Variants in GAS7 observed in about 807,000 individuals in gnomAD.
GAS7 encodes growth arrest-specific protein 7.
A neutral mutation model predicts 71.1 loss-of-function variants in GAS7; 28 were observed. The ratio of observed to expected loss-of-function variants is 0.39; its 90% CI spans 0.29 to 0.54. GAS7 has a LOEUF of 0.54. Ranked by LOEUF, GAS7 falls within the 20% of genes least tolerant of loss-of-function variation. The pLI, the probability that GAS7 is intolerant of heterozygous loss-of-function variation, is 0.62. For synonymous variants in GAS7, 258 were observed against 245.8 expected (o/e 1.05, Z -0.46); for missense variants, 436 against 627.8 (o/e 0.69, Z 3.27).
At chr17:10,141,688 C>T (rs2074082452) in intron 1 of GAS7, among the ~76,000 whole-genome samples, 1 of 152,284 alleles carries the variant, frequency 6.6e-6, no homozygotes, top group Admixed American at 6.5e-5. Flanking sequence ...CAGATACTAA[C>T]ATAAATGGCC....
intron 1 of GAS7, among the ~76,000 whole-genome samples, chr17:10,042,771 G>A (rs185533797): frequency 6.6e-6 from 1 of 152,158 alleles, no homozygotes; most frequent in Admixed American, 6.5e-5. Context: ...TAAAAAACAA[G>A]GGCTTGACTG....
chr17:10,026,541 G>T lies in GAS7; in HGVS notation c.184-6644C>A, dbSNP rs78990760. On this transcript the variant is annotated intron_variant, in intron 1 of 13. Coordinates refer to ENST00000432992, the MANE Select transcript of GAS7 (RefSeq NM_201433.2). This position sits in a 1 kb window ranked among gnomAD's most constrained non-coding sequence, Gnocchi z 4.5. ...GGACACCCAGAAGCAGCCAGGGCAT[G>T]GCTGGGCACGCCTGGGAAGGTTGAG... 1.9e-3 allele frequency among the ~76,000 whole-genome samples: 291 copies of T among 152,336 alleles called. No homozygotes were observed. The highest frequency in any genetic ancestry group is 6.8e-3 in the African/African-American group (281 of 41,572).
intron 1 of GAS7, among the ~76,000 whole-genome samples, chr17:10,082,066 C>T (rs2073462368): frequency 6.6e-6 from 1 of 152,112 alleles, no homozygotes; most frequent in African/African-American, 2.4e-5. Flanking sequence ...TGAACTAGCT[C>T]TACATGCACC....
At chr17:10,031,266 T>C (rs1209581646) in intron 1 of GAS7, among the ~76,000 whole-genome samples, 2 of 152,160 alleles carry the variant, frequency 1.3e-5, no homozygotes, top group Admixed American at 6.5e-5. Context: ...CACAGAACAA[T>C]AGACTCTGTA....
chr17:9,974,459 T>C lies in GAS7; in HGVS notation c.386-4697A>G, dbSNP rs7212744. Among the ~76,000 whole-genome samples, 5 of 146,236 alleles carry C rather than the reference T, an allele frequency of 3.4e-5. No homozygotes were observed. The highest frequency in any genetic ancestry group is 9.9e-5 in the African/African-American group (4 of 40,246). On this transcript the variant is annotated intron_variant, in intron 3 of 13. Coordinates refer to ENST00000432992, the MANE Select transcript of GAS7 (RefSeq NM_201433.2). The surrounding 1 kb of genome is among the most constrained non-coding windows in gnomAD (Gnocchi z 4.0). ...CCTCCAGCCTCTGGGGGAAGAAAAA[T>C]GAAATTGGTCAAGGATCGCTCATAA...
intron 1 of GAS7, among the ~76,000 whole-genome samples, chr17:10,106,685 C>G (rs2073759426): frequency 6.6e-6 from 1 of 152,158 alleles, no homozygotes; most frequent in African/African-American, 2.4e-5. Context: ...ACTCAGAACT[C>G]CTGGGGAGTG....
chr17:10,083,626 G>A (rs2073481454), intron 1 of GAS7, among the ~76,000 whole-genome samples: 1 of 152,230 alleles, frequency 6.6e-6, no homozygotes, highest in Admixed American at 6.5e-5. Flanking sequence ...GAAGTGTGAG[G>A]AGGACAGAGA....
At chr17:9,967,701 A>G (rs2069778988) in intron 4 of GAS7, among the ~76,000 whole-genome samples, 1 of 152,076 alleles carries the variant, frequency 6.6e-6, no homozygotes, top group South Asian at 2.1e-4. Flanking sequence ...GCTGCATAGT[A>G]TCACTGGCTA....
At chr17:9,941,604 C>T (rs1409451785) in intron 7 of GAS7, among the ~76,000 whole-genome samples, 1 of 152,224 alleles carries the variant, frequency 6.6e-6, no homozygotes, top group Non-Finnish European at 1.5e-5. Context: ...TGCGTTTTCT[C>T]TAGGAAGCCC....
intron 2 of GAS7, among the ~76,000 whole-genome samples, chr17:10,016,620 A>AAAAAAAAC (rs1567542577): frequency 1.5e-5 from 2 of 131,690 alleles, no homozygotes; most frequent in African/African-American, 6.1e-5. Flanking sequence ...AAAAAAAAAA[A>AAAAAAAAC]AAAACAAAAC....
rs760056568 is a variant in GAS7 at position 10,198,247 on chromosome 17, G to C, written c.144C>G (p.Leu48=). The change falls in exon 1 of 14, where the codon CTC becomes CTG. Residue 48 remains leucine, a synonymous_variant. Coordinates refer to ENST00000432992, the MANE Select transcript of GAS7 (RefSeq NM_201433.2). ...GWWEGEKEDG[L]RGWFPASYVQ... ...CGTAGCTCGCCGGGAACCAGCCACG[G>C]AGCCCGTCCTCCTTCTCGCCTTCCC... The C allele has an allele frequency of 6.2e-7, 1 of 1,607,700 alleles. No homozygotes were observed. The highest frequency in any genetic ancestry group is 1.7e-5 in the Admixed American group (1 of 59,986).
intron 1 of GAS7, among the ~76,000 whole-genome samples, chr17:10,120,938 A>G (rs529660281): frequency 9.2e-5 from 14 of 152,344 alleles, no homozygotes; most frequent in African/African-American, 2.9e-4. Context: ...ACATGAAAGC[A>G]AAGGCCCACT....
intron 2 of GAS7, among the ~76,000 whole-genome samples, chr17:10,015,340 T>TA (rs1273221658): frequency 1.3e-5 from 2 of 152,018 alleles, no homozygotes; most frequent in African/African-American, 4.8e-5. Flanking sequence ...GGAAGAAAGG[T>TA]AGACAGACAA....
intron 1 of GAS7, among the ~76,000 whole-genome samples, chr17:10,044,002 A>G (rs1414772232): frequency 6.6e-6 from 1 of 152,238 alleles, no homozygotes; most frequent in Non-Finnish European, 1.5e-5. Context: ...TACTGATGCC[A>G]TAAGTTTACA....
rs547642446 is a variant in GAS7 at position 10,194,905 on chromosome 17, C to G, written c.183+3303G>C. On this transcript the variant is annotated intron_variant, in intron 1 of 13. Coordinates refer to ENST00000432992, the MANE Select transcript of GAS7 (RefSeq NM_201433.2). Reference sequence around the variant, plus strand: ...AAAAGACTTCTTAATTCCTGTCCCTCGTCATAGCAGAAGAAACCCTCAGGA... The same window carrying G: ...AAAAGACTTCTTAATTCCTGTCCCTGGTCATAGCAGAAGAAACCCTCAGGA... Among the ~76,000 whole-genome samples, 5 of 151,300 alleles carry G rather than the reference C, an allele frequency of 3.3e-5. No individual in the cohort carries two copies. In the South Asian group the frequency reaches 1.0e-3, roughly 32 times the overall value.
intron 1 of GAS7, among the ~76,000 whole-genome samples, chr17:10,174,353 G>T (rs950373353): frequency 1.7e-4 from 26 of 152,148 alleles, no homozygotes; most frequent in African/African-American, 5.8e-4. Context: ...CACCTTGCAG[G>T]GTGAGCACTA....
intron 1 of GAS7, among the ~76,000 whole-genome samples, chr17:10,081,740 C>T (rs767504890): frequency 5.1e-4 from 78 of 152,178 alleles, no homozygotes; most frequent in Non-Finnish European, 9.4e-4. Flanking sequence ...GTATTTCACA[C>T]CCTCGGATGG....
chr17:10,111,464 C>T (rs1248296118), intron 1 of GAS7, among the ~76,000 whole-genome samples: 3 of 151,908 alleles, frequency 2.0e-5, no homozygotes, highest in African/African-American at 4.8e-5. Context: ...ACCCGGGAGG[C>T]GGACGTTGCA....
intron 2 of GAS7, among the ~76,000 whole-genome samples, chr17:9,999,014 GGCTCCAAGCAGT>G: frequency 6.6e-6 from 1 of 152,278 alleles, no homozygotes; most frequent in Admixed American, 6.5e-5. Flanking sequence ...CTTTTTAACA[GGCTCCAAGCAGT>G]GCTTCCATAA....
Sources: gnomAD v4.1 joint callset for allele counts (sites outside exome capture counted in the v4.1 genomes callset) on GRCh38, gnomAD v4.1.1 for gene constraint, Gnocchi (gnomAD v3.1) non-coding constraint, MANE v1.5 for transcripts, NCBI Gene and HGNC (gene_info 2026-07-23, HGNC 2026-07-21) for gene names.